The following LRRC8C variants were observed in gnomAD, a reference collection of about 807,000 sequenced individuals.
LRRC8C encodes volume-regulated anion channel subunit LRRC8C.
In LRRC8C, 20 loss-of-function variants were observed where a neutral mutation model predicts 55.3. The observed-to-expected ratio is 0.36, with a 90% CI of 0.25 to 0.53. The LOEUF (loss-of-function observed/expected upper bound fraction) is 0.53. LRRC8C is among the 20% of genes least tolerant of loss of function. The pLI is 0.92. For missense variants in LRRC8C, 659 were observed against 951.4 expected, an observed-to-expected ratio of 0.69 and a Z score of 4.04; for synonymous variants, 376 against 360.7, an observed-to-expected ratio of 1.04 and a Z score of -0.48.
chr1:89,622,433 C>T, the LRRC8C span, among the ~76,000 whole-genome samples: 4 of 150,906 alleles, frequency 2.7e-5, no homozygotes, highest in Non-Finnish European at 5.9e-5. Flanking sequence ...CCTGGGTTCA[C>T]GCCATTCTCC....
chr1:89,631,270 A>G (rs1475102856), upstream of LRRC8C, among the ~76,000 whole-genome samples: 2 of 152,178 alleles, frequency 1.3e-5, no homozygotes, highest in African/African-American at 4.8e-5. Flanking sequence ...GGGCAGATAA[A>G]AAGAACAGTA....
intron 1 of LRRC8C, among the ~76,000 whole-genome samples, chr1:89,672,570 C>T (rs969750958): frequency 2.0e-5 from 3 of 152,166 alleles, no homozygotes; most frequent in Admixed American, 2.0e-4. Flanking sequence ...ACGTTGTACT[C>T]CAGTAGCTAT....
chr1:89,712,293 A>G (rs10922702), intron 2 of LRRC8C, among the ~76,000 whole-genome samples: 48,318 of 152,086 alleles, frequency 0.32, 8,139 homozygotes, highest in East Asian at 0.51. Context: ...TCGTATTTTT[A>G]GTAGAGACAG....
chr1:89,688,801 C>G (rs1657950652), intron 2 of LRRC8C, among the ~76,000 whole-genome samples: 1 of 152,174 alleles, frequency 6.6e-6, no homozygotes, highest in Admixed American at 6.5e-5. Context: ...TCAACTGTTT[C>G]TGGGCTGGAA....
In LRRC8C at chr1:89,716,699, T is replaced by C. The variant is rs926149621; in HGVS notation, c.*1717T>C. On this transcript the variant is annotated 3_prime_UTR_variant, in exon 3 of 3. Coordinates refer to ENST00000370454, the MANE Select transcript of LRRC8C (RefSeq NM_032270.5). The stretch of plus-strand genomic sequence containing the variant: ...ATTGACCATTTTCTGAGCTCTAGAC[T>C]GATCGTAGTAAGTTTTGTGACTTAA... The C allele has an allele frequency of 6.6e-6, 1 of 152,240 alleles. No individual in the cohort carries two copies. The highest frequency in any genetic ancestry group is 1.5e-5 in the Non-Finnish European group (1 of 68,040). The allele number at this position is 152,240 out of a possible 1,614,324, so 9.4% of individuals were successfully genotyped here. A position where few individuals can be genotyped will look rare whatever the true frequency, so the allele number is the denominator to read the frequency against.
chr1:89,652,057 T>C (rs1159991702), intron 1 of LRRC8C, among the ~76,000 whole-genome samples: 1 of 152,150 alleles, frequency 6.6e-6, no homozygotes, highest in Non-Finnish European at 1.5e-5. Flanking sequence ...TTCAAGGCAA[T>C]GTAGTATATT....
intron 1 of LRRC8C, among the ~76,000 whole-genome samples, chr1:89,637,008 A>T (rs1459259260): frequency 6.6e-6 from 1 of 152,166 alleles, no homozygotes; most frequent in Non-Finnish European, 1.5e-5. Context: ...ATTAGGAAAG[A>T]CACCCAAATT....
At chr1:89,681,370 T>G (rs757660459) in intron 1 of LRRC8C, among the ~76,000 whole-genome samples, 2 of 152,258 alleles carry the variant, frequency 1.3e-5, no homozygotes, top group Non-Finnish European at 2.9e-5. Context: ...CTTACTCACC[T>G]TTTTGCATCA....
upstream of LRRC8C, chr1:89,631,695 G>A (rs1215500): frequency 6.6e-6 from 1 of 151,752 alleles, no homozygotes; most frequent in Admixed American, 6.6e-5. Flanking sequence ...AGGTAAGCCC[G>A]GACCTAAATT....
chr1:89,630,997 T>C (rs1473948944), upstream of LRRC8C, among the ~76,000 whole-genome samples: 2 of 152,130 alleles, frequency 1.3e-5, no homozygotes, highest in Non-Finnish European at 2.9e-5. Flanking sequence ...GACACAAGAG[T>C]AGCCAAAAGT....
intron 1 of LRRC8C, among the ~76,000 whole-genome samples, chr1:89,662,154 G>GA (rs202128456): frequency 0.016 from 2,427 of 152,096 alleles, 68 homozygotes; most frequent in African/African-American, 0.055. Context: ...TGAGCTAAAA[G>GA]AAAAAAAATC....
chr1:89,673,380 A>T (rs1402066397), intron 1 of LRRC8C, among the ~76,000 whole-genome samples: 2 of 152,198 alleles, frequency 1.3e-5, no homozygotes, highest in Admixed American at 6.5e-5. Flanking sequence ...CGTTTAAAAA[A>T]ATATATCTGC....
the LRRC8C span, among the ~76,000 whole-genome samples, chr1:89,619,036 G>A: frequency 2.4e-4 from 36 of 152,302 alleles, no homozygotes; most frequent in African/African-American, 8.4e-4. Context: ...TGAGGGATTT[G>A]AAGAGATCTT....
At chr1:89,673,890 T>C (rs548550887) in intron 1 of LRRC8C, among the ~76,000 whole-genome samples, 13 of 152,252 alleles carry the variant, frequency 8.5e-5, no homozygotes, top group Admixed American at 5.9e-4. Flanking sequence ...GTCAGAGAGA[T>C]TGGGGACAGC....
At chr1:89,622,435 C>T in the LRRC8C span, among the ~76,000 whole-genome samples, 1 of 151,710 alleles carries the variant, frequency 6.6e-6, no homozygotes, top group African/African-American at 2.4e-5. Flanking sequence ...TGGGTTCACG[C>T]CATTCTCCTG....
intron 1 of LRRC8C, among the ~76,000 whole-genome samples, chr1:89,650,195 T>C (rs531804211): frequency 6.6e-6 from 1 of 152,228 alleles, no homozygotes; most frequent in Non-Finnish European, 1.5e-5. Flanking sequence ...AAACACAAAA[T>C]AACTTAAGAT....
At chr1:89,662,407 G>A (rs1310312449) in intron 1 of LRRC8C, among the ~76,000 whole-genome samples, 1 of 152,164 alleles carries the variant, frequency 6.6e-6, no homozygotes, top group East Asian at 1.9e-4. Flanking sequence ...TTCACAGAGT[G>A]AGATGGAGAA....
the LRRC8C span, among the ~76,000 whole-genome samples, chr1:89,619,226 G>T: frequency 6.6e-6 from 1 of 152,006 alleles, no homozygotes; most frequent in Non-Finnish European, 1.5e-5. Context: ...ATCCACAGAA[G>T]TTCTACAATA....
intron 1 of LRRC8C, among the ~76,000 whole-genome samples, chr1:89,653,293 C>T (rs1656839984): frequency 2.0e-5 from 3 of 152,110 alleles, no homozygotes. Context: ...TGAATGTTAA[C>T]ACAAGTAACA....
Sources: allele counts gnomAD v4.1 joint callset (sites outside exome capture counted in the v4.1 genomes callset), GRCh38; gene constraint gnomAD v4.1.1; transcripts MANE v1.5; gene names NCBI Gene and HGNC (gene_info 2026-07-23, HGNC 2026-07-21).